Variants in ASCC2 observed in about 807,000 individuals in gnomAD.
ASCC2 encodes the protein activating signal cointegrator 1 complex subunit 2, also known as ASC-1 complex subunit P100.
ASCC2 carries 42 observed loss-of-function variants against 93.5 expected under a neutral mutation model. That is an observed-to-expected ratio of 0.45 (90% CI 0.35 to 0.58). The LOEUF is 0.58. Among genes scored for constraint, ASCC2 ranks in the 20% least tolerant of loss-of-function variants. The pLI is 0.00. For missense variants in ASCC2, 859 were observed against 977.6 expected (o/e 0.88, Z 1.62); for synonymous variants, 364 against 384.2 (o/e 0.95, Z 0.62).
At chr22:29,832,420 A>T (rs951724564) in intron 1 of ASCC2, 78 bp from the exon 2 acceptor site, 173 of 1,126,486 alleles carry the variant, frequency 1.5e-4, no homozygotes, top group Non-Finnish European at 2.2e-4. Flanking sequence ...GGCTGATCCC[A>T]GAGTCAGAAG....
intron 1 of ASCC2, 52 bp from the exon 2 acceptor site, chr22:29,832,394 G>T: frequency 7.1e-7 from 1 of 1,401,254 alleles, no homozygotes; most frequent in Non-Finnish European, 1.0e-6. Flanking sequence ...ACTCCTGGGG[G>T]CAGGGCCTGC....
At chr22:29,798,672 T>C (rs1194074758) in intron 15 of ASCC2, among the ~76,000 whole-genome samples, 1 of 152,180 alleles carries the variant, frequency 6.6e-6, no homozygotes, top group Non-Finnish European at 1.5e-5. Context: ...TCCTACCTAA[T>C]TTCTCATGGG....
At chr22:29,813,143 A>G (rs2060467943) in intron 8 of ASCC2, among the ~76,000 whole-genome samples, 1 of 152,124 alleles carries the variant, frequency 6.6e-6, no homozygotes, top group South Asian at 2.1e-4. Context: ...GGCCTCCCAA[A>G]GTGCTAGGAT....
At chr22:29,832,572 A>T in intron 1 of ASCC2, 1 of 358,122 alleles carries the variant, frequency 2.8e-6, no homozygotes. Flanking sequence ...ATGACTTCTG[A>T]TATATTTCCA....
chr22:29,803,262 AC>A (rs2059313652), intron 13 of ASCC2, among the ~76,000 whole-genome samples: 2 of 150,818 alleles, frequency 1.3e-5, no homozygotes, highest in African/African-American at 2.4e-5. Context: ...CAAAAAAAAA[AC>A]AAAAAACAAA....
intron 8 of ASCC2, among the ~76,000 whole-genome samples, chr22:29,810,823 C>T (rs1277564901): frequency 1.3e-5 from 2 of 152,032 alleles, no homozygotes; most frequent in African/African-American, 2.4e-5. Flanking sequence ...CTCCGCCTCC[C>T]GGTTTCAAGC....
chr22:29,831,437 G>A lies in ASCC2; in HGVS notation c.81+808C>T, dbSNP rs111423641. The stretch of plus-strand genomic sequence containing the variant: ...CTAAATGAGATAATCCGGGTGAAGT[G>A]TTTAGAATGATCTGGCACAGGGCAA... On this transcript the variant is annotated intron_variant, in intron 2 of 19. Coordinates refer to ENST00000307790, the MANE Select transcript of ASCC2 (RefSeq NM_032204.5). Among the ~76,000 whole-genome samples, 879 of 152,306 alleles carry A rather than the reference G, an allele frequency of 5.8e-3. 4 individuals carry two copies. The highest frequency in any genetic ancestry group is 9.3e-3 in the Non-Finnish European group (632 of 68,028).
chr22:29,832,039 T>C (rs2063217499), intron 2 of ASCC2, among the ~76,000 whole-genome samples: 1 of 152,100 alleles, frequency 6.6e-6, no homozygotes, highest in Non-Finnish European at 1.5e-5. Context: ...GGTGGTGACA[T>C]GGAAAATCCT....
chr22:29,820,169 TC>T (rs2061381108), intron 5 of ASCC2, among the ~76,000 whole-genome samples: 1 of 151,194 alleles, frequency 6.6e-6, no homozygotes, highest in African/African-American at 2.4e-5. Context: ...TTTCTTTTTT[TC>T]TTTTTTTTCT....
At chr22:29,831,962 G>C (rs60805530) in intron 2 of ASCC2, among the ~76,000 whole-genome samples, 7,831 of 152,150 alleles carry the variant, frequency 0.051, 255 homozygotes, top group South Asian at 0.099. Flanking sequence ...TTTCTAGCCC[G>C]ATCCAGGCTG....
At chr22:29,833,104 G>A (rs2063359069) in intron 1 of ASCC2, among the ~76,000 whole-genome samples, 1 of 152,098 alleles carries the variant, frequency 6.6e-6, no homozygotes, top group African/African-American at 2.4e-5. Context: ...GAGAAGTACT[G>A]GCTAAAAATA....
intron 19 of ASCC2, 30 bp downstream of exon 19, chr22:29,790,439 C>T (rs773265974): frequency 3.7e-6 from 6 of 1,611,774 alleles, no homozygotes; most frequent in Admixed American, 1.7e-5. Flanking sequence ...TGGGAGGGGT[C>T]CCCCCAGAAG....
intron 1 of ASCC2, among the ~76,000 whole-genome samples, chr22:29,833,825 G>C (rs115566557): frequency 0.01 from 1,544 of 151,768 alleles, 26 homozygotes; most frequent in African/African-American, 0.036. Context: ...TCATATCTCA[G>C]ATATTGGGCC....
Position 29,789,201 on chromosome 22 carries a change from C to G in ASCC2, c.2103-17G>C, listed in dbSNP as rs757959494. 2 of 1,613,808 alleles carry G rather than the reference C, an allele frequency of 1.2e-6. No individual in the cohort carries two copies. The highest frequency in any genetic ancestry group is 2.7e-5 in the African/African-American group (2 of 74,928). On this transcript the variant is annotated splice_polypyrimidine_tract_variant and intron_variant, in intron 19 of 19. Coordinates refer to ENST00000307790, the MANE Select transcript of ASCC2 (RefSeq NM_032204.5). Reference sequence around the variant, plus strand: ...TGCCGGTACCTGAGGGAGGAACAACCCACCCCACGAGAACCTGTCAGCCGG... The same window carrying G: ...TGCCGGTACCTGAGGGAGGAACAACGCACCCCACGAGAACCTGTCAGCCGG...
chr22:29,827,458 T>C (rs1718918678), intron 2 of ASCC2: 3 of 398,712 alleles, frequency 7.5e-6, no homozygotes, highest in Non-Finnish European at 1.6e-5. Context: ...GAACCATCTA[T>C]GCCTTCCTAG....
In ASCC2 at chr22:29,793,313, C is replaced by A. The variant is rs545023765; in HGVS notation, c.1919+47G>T. ...CAAGTGGGTGAGGGAGCCCCATGGG[C>A]CTGAGAGCTGCTCTGCCCTGGAACG... On this transcript the variant is annotated intron_variant, in intron 17 of 19. Transcript: ENST00000307790. The A allele has an allele frequency of 1.1e-5, 17 of 1,607,768 alleles. No individual in the cohort carries two copies. The South Asian group carries it at 1.8e-4, about 17-fold the overall frequency.
chr22:29,794,117 G>T (rs373899972), intron 15 of ASCC2, among the ~76,000 whole-genome samples: 1 of 151,578 alleles, frequency 6.6e-6, no homozygotes, highest in Non-Finnish European at 1.5e-5. Context: ...ACTCCTGACC[G>T]CAAGTGATCC....
intron 13 of ASCC2, among the ~76,000 whole-genome samples, chr22:29,802,616 C>G (rs1397937549): frequency 6.6e-6 from 1 of 151,886 alleles, no homozygotes; most frequent in Non-Finnish European, 1.5e-5. Context: ...CTGAGCAACA[C>G]AGCAAGACCC....
Position 29,788,790 on chromosome 22 carries a change from G to A in ASCC2, c.*223C>T, listed in dbSNP as rs1013379899. 1.2e-5 allele frequency: 7 copies of A among 567,458 alleles called. No individual in the cohort carries two copies. The highest frequency in any genetic ancestry group is 6.3e-5 in the Admixed American group (2 of 31,880). The allele number at this position is 567,458 out of a possible 1,614,324, so 35.2% of individuals were successfully genotyped here. On this transcript the variant is annotated 3_prime_UTR_variant, in exon 20 of 20. Transcript: ENST00000307790. The stretch of plus-strand genomic sequence containing the variant: ...AGCTGGGGGAAGGTGCCTGCTTGCC[G>A]GCCCCACGGATTCTTCGGCTGTGGC...
Sources: allele counts gnomAD v4.1 joint callset (sites outside exome capture counted in the v4.1 genomes callset), GRCh38; gene constraint gnomAD v4.1.1; transcripts MANE v1.5; gene names NCBI Gene and HGNC (gene_info 2026-07-23, HGNC 2026-07-21).